Variants in CAMK2D observed in about 807,000 individuals in gnomAD.
CAMK2D encodes calcium/calmodulin dependent protein kinase II delta.
In CAMK2D, 37 loss-of-function variants were observed where a neutral mutation model predicts 84.0. That is an observed-to-expected ratio of 0.44 (90% CI 0.34 to 0.58). CAMK2D has a LOEUF of 0.58. Ranked by LOEUF, CAMK2D falls within the 20% of genes least tolerant of loss-of-function variation. The pLI, the probability that CAMK2D is intolerant of heterozygous loss-of-function variation, is 0.02. For missense variants in CAMK2D, 448 were observed against 652.5 expected (o/e 0.69, Z 3.41); for synonymous variants, 202 against 212.5 (o/e 0.95, Z 0.43).
intron 2 of CAMK2D, among the ~76,000 whole-genome samples, chr4:113,740,904 T>G (rs1236908412): frequency 6.6e-6 from 1 of 152,152 alleles, no homozygotes; most frequent in African/African-American, 2.4e-5. Flanking sequence ...CCAAAACTGT[T>G]AAGTGGAAAA....
At chr4:113,525,800 G>T (rs1485004563) in intron 8 of CAMK2D, among the ~76,000 whole-genome samples, 1 of 152,130 alleles carries the variant, frequency 6.6e-6, no homozygotes, top group East Asian at 1.9e-4. Flanking sequence ...TTTCTGAGTA[G>T]TGTAATTTTT....
intron 2 of CAMK2D, among the ~76,000 whole-genome samples, chr4:113,665,261 T>A (rs1364929238): frequency 1.3e-5 from 2 of 152,212 alleles, no homozygotes; most frequent in Non-Finnish European, 2.9e-5. Context: ...CCAAACATGA[T>A]GATATAAGTA....
chr4:113,560,438 T>C (rs1488436606), intron 4 of CAMK2D, among the ~76,000 whole-genome samples: 1 of 151,966 alleles, frequency 6.6e-6, no homozygotes. Context: ...AATAGAAACA[T>C]AAATAAAAAA....
At chr4:113,597,801 A>G (rs1267707651) in intron 4 of CAMK2D, among the ~76,000 whole-genome samples, 3 of 152,224 alleles carry the variant, frequency 2.0e-5, no homozygotes, top group Non-Finnish European at 4.4e-5. Context: ...ATTTAAAATG[A>G]GAGATGTGTG....
chr4:113,757,257 A>G (rs1203369389), intron 2 of CAMK2D, among the ~76,000 whole-genome samples: 2 of 152,172 alleles, frequency 1.3e-5, no homozygotes, highest in Non-Finnish European at 2.9e-5. Flanking sequence ...ATTTTATTAG[A>G]TAATAATAGC....
chr4:113,494,514 C>G (rs547851293), intron 16 of CAMK2D, among the ~76,000 whole-genome samples: 1 of 152,272 alleles, frequency 6.6e-6, no homozygotes, highest in Non-Finnish European at 1.5e-5. Context: ...TCTCCAGCTG[C>G]GTGCTGGGAG....
At chr4:113,569,410 TG>T (rs2098741699) in intron 4 of CAMK2D, among the ~76,000 whole-genome samples, 1 of 152,222 alleles carries the variant, frequency 6.6e-6, no homozygotes, top group South Asian at 2.1e-4. Context: ...GTTTTGCATA[TG>T]GTGTAAGGTA....
chr4:113,679,493 T>G, intron 2 of CAMK2D: 1 of 938,276 alleles, frequency 1.1e-6, no homozygotes, highest in Non-Finnish European at 1.3e-6. Context: ...CTGCTTTTTC[T>G]GTCCTGATTT....
chr4:113,476,533 C>T (rs1379685802), intron 16 of CAMK2D, among the ~76,000 whole-genome samples: 4 of 152,146 alleles, frequency 2.6e-5, no homozygotes, highest in African/African-American at 7.2e-5. Flanking sequence ...AGGATGATTA[C>T]AGGCCTTTCC....
At chr4:113,722,089 C>G (rs952194364) in intron 2 of CAMK2D, among the ~76,000 whole-genome samples, 1 of 152,132 alleles carries the variant, frequency 6.6e-6, no homozygotes, top group Non-Finnish European at 1.5e-5. Context: ...TACCGATTGT[C>G]AGTTTAATTC....
intron 3 of CAMK2D, among the ~76,000 whole-genome samples, chr4:113,656,606 A>G (rs2099201754): frequency 6.6e-6 from 1 of 152,064 alleles, no homozygotes; most frequent in Admixed American, 6.6e-5. Context: ...TGGTTAACGA[A>G]ACCCTACTTG....
chr4:113,685,318 AGCCTCT>A (rs1328282143), intron 2 of CAMK2D, among the ~76,000 whole-genome samples: 1 of 149,670 alleles, frequency 6.7e-6, no homozygotes, highest in Non-Finnish European at 1.5e-5. Flanking sequence ...TGCTCACTGC[AGCCTCT>A]GCCTCCCAGG....
chr4:113,632,198 T>C (rs1364967220), intron 3 of CAMK2D, among the ~76,000 whole-genome samples: 1 of 152,160 alleles, frequency 6.6e-6, no homozygotes, highest in African/African-American at 2.4e-5. Context: ...ATAAATTCCC[T>C]CTCATTCTAT....
chr4:113,514,841 T>C (rs2098264398), intron 10 of CAMK2D, among the ~76,000 whole-genome samples: 1 of 152,224 alleles, frequency 6.6e-6, no homozygotes, highest in South Asian at 2.1e-4. Flanking sequence ...TTCCTTTTGT[T>C]ACTGCAAGCA....
intron 2 of CAMK2D, among the ~76,000 whole-genome samples, chr4:113,690,690 T>A (rs1482094761): frequency 6.6e-6 from 1 of 152,240 alleles, no homozygotes; most frequent in Non-Finnish European, 1.5e-5. Flanking sequence ...TCTCATGCTT[T>A]CTTACTAATG....
intron 3 of CAMK2D, among the ~76,000 whole-genome samples, chr4:113,660,859 A>C (rs939531018): frequency 6.7e-6 from 1 of 148,228 alleles, no homozygotes; most frequent in South Asian, 2.1e-4. Context: ...GCAGTGGCGC[A>C]ATCTCAGCTC....
chr4:113,736,821 C>A (rs952691887), intron 2 of CAMK2D, among the ~76,000 whole-genome samples: 2 of 152,164 alleles, frequency 1.3e-5, no homozygotes, highest in African/African-American at 2.4e-5. Context: ...AAATATCCCT[C>A]TGGTTCCTCG....
chr4:113,496,452 T>TC (rs2097933471), intron 16 of CAMK2D, among the ~76,000 whole-genome samples: 1 of 150,948 alleles, frequency 6.6e-6, no homozygotes, highest in South Asian at 2.1e-4. Context: ...TTTGCTTTTT[T>TC]TTTTTTTTTT....
chr4:113,614,185 C>G (rs1185028650), intron 3 of CAMK2D, among the ~76,000 whole-genome samples: 2 of 151,940 alleles, frequency 1.3e-5, no homozygotes, highest in Non-Finnish European at 2.9e-5. Flanking sequence ...AAAATAAAAC[C>G]AAGGTTGTTA....
Sources: allele counts gnomAD v4.1 joint callset (sites outside exome capture counted in the v4.1 genomes callset), GRCh38; gene constraint gnomAD v4.1.1; transcripts MANE v1.5; gene names NCBI Gene and HGNC (gene_info 2026-07-23, HGNC 2026-07-21).